The following ATG7 variants were observed in gnomAD, a reference collection of about 807,000 sequenced individuals.
ATG7 encodes the protein ubiquitin-like modifier-activating enzyme ATG7.
In ATG7, 70 loss-of-function variants were observed where a neutral mutation model predicts 82.4. That is an observed-to-expected ratio of 0.85 (90% confidence interval 0.70 to 1.04). The LOEUF is 1.04. Ranked by LOEUF, ATG7 falls within the 50% of genes least tolerant of loss-of-function variation. The pLI is 0.00. For missense variants in ATG7, 792 were observed against 864.3 expected, an observed-to-expected ratio of 0.92 and a Z score of 1.05; for synonymous variants, 287 against 313.0, an observed-to-expected ratio of 0.92 and a Z score of 0.88.
In ATG7 at chr3:11,315,908, G is replaced by A. The variant is rs559036474; in HGVS notation, c.678+415G>A. Among the ~76,000 whole-genome samples the A allele has an allele frequency of 3.9e-5, 6 of 152,238 alleles. No individual in the cohort carries two copies. The East Asian group carries it at 1.2e-3, about 29-fold the overall frequency. ...GCCTGGCTAATTTTTTGTATTTTTA[G>A]TAGAGACAGAGACGAGGTTTCACTA... On this transcript the variant is annotated intron_variant, in intron 9 of 20. Transcript: ENST00000693202.
chr3:11,446,768 C>T (rs1419421450), intron 20 of ATG7: 2 of 215,310 alleles, frequency 9.3e-6, no homozygotes, highest in South Asian at 5.5e-5. Flanking sequence ...AAGGCACAGT[C>T]AAGGTGAACC....
At chr3:11,411,435 C>A (rs1338047967) in intron 19 of ATG7, among the ~76,000 whole-genome samples, 1 of 151,860 alleles carries the variant, frequency 6.6e-6, no homozygotes, top group African/African-American at 2.4e-5. Flanking sequence ...ACCATCCTGG[C>A]CAACATGGTG....
intron 20 of ATG7, among the ~76,000 whole-genome samples, chr3:11,547,076 A>G (rs1283646907): frequency 6.6e-6 from 1 of 152,188 alleles, no homozygotes; most frequent in East Asian, 1.9e-4. Context: ...CCTATTGTGC[A>G]TTTGCGTGAC....
intron 19 of ATG7, among the ~76,000 whole-genome samples, chr3:11,405,862 C>T (rs2080278306): frequency 6.6e-6 from 1 of 151,956 alleles, no homozygotes; most frequent in African/African-American, 2.4e-5. Context: ...TTAAGACATC[C>T]ACCGCCTTGG....
At position 11,347,927 on chromosome 3, in the gene ATG7, C is replaced by T. The variant is rs1417920443; in HGVS notation, c.1176C>T (p.Tyr392=). The T allele has an allele frequency of 6.2e-7, 1 of 1,614,064 alleles. No homozygotes were observed. The highest frequency in any genetic ancestry group is 8.5e-7 in the Non-Finnish European group (1 of 1,180,030). The change falls in exon 14 of 21, where the codon TAC becomes TAT. Residue 392 remains tyrosine (Y), a synonymous_variant. Coordinates refer to ENST00000693202, the MANE Select transcript of ATG7 (RefSeq NM_001349232.2). ...ITFVDNAKIS[Y]SNPVRQPLYE... is the part of the protein sequence containing the mutation. ...TTGTGGACAATGCCAAGATCTCCTA[C>T]TCCAATCCTGTGAGGCAGCCTCTCT...
chr3:11,471,919 G>A (rs2087588261), intron 20 of ATG7, among the ~76,000 whole-genome samples: 1 of 151,718 alleles, frequency 6.6e-6, no homozygotes, highest in South Asian at 2.1e-4. Context: ...TGTATTTTTA[G>A]TAGAGATGGG....
intron 20 of ATG7, among the ~76,000 whole-genome samples, chr3:11,437,928 T>TGTCC (rs1433704888): frequency 2.0e-5 from 3 of 152,222 alleles, no homozygotes; most frequent in Non-Finnish European, 4.4e-5. Context: ...ATCCAGTACA[T>TGTCC]GTCCGAATTT....
At chr3:11,289,022 T>C (rs559170773) in intron 3 of ATG7, among the ~76,000 whole-genome samples, 1 of 152,342 alleles carries the variant, frequency 6.6e-6, no homozygotes, top group Admixed American at 6.5e-5. Context: ...TCCCATCTTG[T>C]GTAACTCAGG....
intron 5 of ATG7, among the ~76,000 whole-genome samples, chr3:11,301,718 C>A (rs1367503443): frequency 1.3e-5 from 2 of 152,136 alleles, no homozygotes; most frequent in African/African-American, 4.8e-5. Flanking sequence ...GAGGAAACTA[C>A]TGGAAATGTA....
intron 20 of ATG7, among the ~76,000 whole-genome samples, chr3:11,498,485 C>T (rs1360461670): frequency 6.6e-6 from 1 of 152,134 alleles, no homozygotes; most frequent in African/African-American, 2.4e-5. Flanking sequence ...CCTGCCTCTA[C>T]CTTCTCATTC....
At chr3:11,420,316 C>T (rs1458052282) in intron 19 of ATG7, among the ~76,000 whole-genome samples, 4 of 152,142 alleles carry the variant, frequency 2.6e-5, no homozygotes, top group Non-Finnish European at 5.9e-5. Flanking sequence ...CAGCATTAAA[C>T]TTTCTGTACA....
intron 1 of ATG7, among the ~76,000 whole-genome samples, chr3:11,276,324 C>T (rs1168208660): frequency 6.6e-6 from 1 of 152,204 alleles, no homozygotes; most frequent in Non-Finnish European, 1.5e-5. Context: ...TCTATTTGTG[C>T]TTGAGATCCC....
the ATG7 span, among the ~76,000 whole-genome samples, chr3:11,572,779 C>T: frequency 6.6e-6 from 1 of 152,192 alleles, no homozygotes; most frequent in Non-Finnish European, 1.5e-5. Context: ...TATTTGCCTG[C>T]TCTGTGGTAT....
At chr3:11,427,491 A>ATTT (rs11414511) in intron 20 of ATG7, among the ~76,000 whole-genome samples, 12,396 of 143,706 alleles carry the variant, frequency 0.086, 614 homozygotes, top group South Asian at 0.12. Context: ...TCATTGCATC[A>ATTT]TTTTTTTTTT....
chr3:11,452,953 C>A (rs987345727), intron 20 of ATG7, among the ~76,000 whole-genome samples: 2 of 152,160 alleles, frequency 1.3e-5, no homozygotes, highest in African/African-American at 4.8e-5. Context: ...ATTCCGTGGG[C>A]TGTAGCGAGC....
intron 20 of ATG7, among the ~76,000 whole-genome samples, chr3:11,439,506 G>A (rs2083681072): frequency 6.6e-6 from 1 of 152,184 alleles, no homozygotes; most frequent in African/African-American, 2.4e-5. Flanking sequence ...TCAGTCAACA[G>A]ATATTTATTG....
intron 20 of ATG7, among the ~76,000 whole-genome samples, chr3:11,484,167 G>A (rs2089342365): frequency 6.6e-6 from 1 of 152,148 alleles, no homozygotes; most frequent in Non-Finnish European, 1.5e-5. Flanking sequence ...GCCGAGGCAG[G>A]TGAATCACTG....
At chr3:11,367,065 C>G (rs2076672502) in intron 18 of ATG7, among the ~76,000 whole-genome samples, 1 of 150,392 alleles carries the variant, frequency 6.6e-6, no homozygotes, top group Non-Finnish European at 1.5e-5. Flanking sequence ...TAGCTACTTT[C>G]TAAGAAAGAA....
In ATG7 at chr3:11,340,644, G is replaced by T. The variant is rs763049980; in HGVS notation, c.890-1G>T. 1 of 1,613,032 alleles carries T rather than the reference G, an allele frequency of 6.2e-7. No individual in the cohort carries two copies. The highest frequency in any genetic ancestry group is 1.1e-5 in the South Asian group (1 of 90,998). ...AAACTTTGTGTTTTATTTGCCTTAA[G>T]ATTGTCCTAAAGCAGTTGGATGGGA... On this transcript the variant is annotated splice_acceptor_variant, in intron 11 of 20. Coordinates refer to ENST00000693202, the MANE Select transcript of ATG7 (RefSeq NM_001349232.2). LOFTEE classifies it high-confidence loss of function.
Sources: allele counts gnomAD v4.1 joint callset (sites outside exome capture counted in the v4.1 genomes callset), GRCh38; gene constraint gnomAD v4.1.1; transcripts MANE v1.5; gene names NCBI Gene and HGNC (gene_info 2026-07-23, HGNC 2026-07-21).